The following NXPE2 variants were observed in gnomAD, a reference collection of about 807,000 sequenced individuals.
NXPE2 encodes neurexophilin and PC-esterase domain family member 2.
In NXPE2, 34 loss-of-function variants were observed where a neutral mutation model predicts 34.4. The observed-to-expected ratio is 0.99, with a 90% CI of 0.75 to 1.31. The LOEUF (loss-of-function observed/expected upper bound fraction) is 1.31, where lower values mean the gene tolerates loss of function less well. Ranked by LOEUF, NXPE2 falls within the 40% of genes most tolerant of loss-of-function variation. The pLI is 0.00. For synonymous variants in NXPE2, 235 were observed against 231.3 expected, an observed-to-expected ratio of 1.02 and a Z score of -0.15; for missense variants, 649 against 672.5, an observed-to-expected ratio of 0.97 and a Z score of 0.39.
At chr11:114,616,405 AC>A in the NXPE2 span, among the ~76,000 whole-genome samples, 2 of 151,438 alleles carry the variant, frequency 1.3e-5, no homozygotes, top group African/African-American at 4.9e-5. Context: ...CTCGTGGGTA[AC>A]CGGTGTTACC....
the NXPE2 span, among the ~76,000 whole-genome samples, chr11:114,469,109 C>CTTTTTTTTTTTTTTTTTTTT: frequency 2.3e-5 from 2 of 88,864 alleles, no homozygotes; most frequent in Non-Finnish European, 2.0e-5. Flanking sequence ...ACAGTGCTAG[C>CTTTTTTTTTTTTTTTTTTTT]TTTTTTTTTT....
chr11:114,538,081 A>C, the NXPE2 span, among the ~76,000 whole-genome samples: 1 of 152,200 alleles, frequency 6.6e-6, no homozygotes. Context: ...CAAAACAGAG[A>C]TGTAGACCAA....
the NXPE2 span, among the ~76,000 whole-genome samples, chr11:114,734,834 C>T: frequency 2.5e-4 from 38 of 152,150 alleles, no homozygotes; most frequent in Middle Eastern, 3.2e-3. Context: ...CACGGCAGGG[C>T]GCAGTGGCTC....
the NXPE2 span, among the ~76,000 whole-genome samples, chr11:114,781,703 G>C: frequency 9.5e-4 from 145 of 152,294 alleles, no homozygotes; most frequent in Non-Finnish European, 1.8e-3. Flanking sequence ...ATTCTGGGTA[G>C]TGGAAGTCTG....
chr11:114,535,114 G>A, the NXPE2 span, among the ~76,000 whole-genome samples: 1 of 152,176 alleles, frequency 6.6e-6, no homozygotes, highest in Non-Finnish European at 1.5e-5. Context: ...AGAAGAGAGT[G>A]GGGACCAATA....
chr11:114,643,185 A>T, the NXPE2 span, among the ~76,000 whole-genome samples: 181 of 151,898 alleles, frequency 1.2e-3, 2 homozygotes, highest in South Asian at 9.1e-3. Flanking sequence ...GATTGCAAAA[A>T]TTTTCTCCCA....
At chr11:114,518,514 G>A in the NXPE2 span, 1 of 152,216 alleles carries the variant, frequency 6.6e-6, no homozygotes, top group Non-Finnish European at 1.5e-5. Context: ...TTTTGTGAAT[G>A]GGGTTCTTGT....
At chr11:114,774,049 C>T in the NXPE2 span, among the ~76,000 whole-genome samples, 1 of 152,216 alleles carries the variant, frequency 6.6e-6, no homozygotes, top group Non-Finnish European at 1.5e-5. Context: ...GGTAATGCCT[C>T]TACTGCTCTT....
the NXPE2 span, among the ~76,000 whole-genome samples, chr11:114,650,946 A>G: frequency 3.3e-5 from 5 of 152,170 alleles, no homozygotes; most frequent in Non-Finnish European, 7.3e-5. Context: ...GGCTGAGAGC[A>G]CATCAGGAAG....
At chr11:114,544,357 T>A in the NXPE2 span, among the ~76,000 whole-genome samples, 1 of 152,178 alleles carries the variant, frequency 6.6e-6, no homozygotes, top group African/African-American at 2.4e-5. Flanking sequence ...ATCAAGACAA[T>A]GCAGTGTTGG....
At chr11:114,725,129 T>C in the NXPE2 span, among the ~76,000 whole-genome samples, 2 of 152,066 alleles carry the variant, frequency 1.3e-5, no homozygotes, top group African/African-American at 4.8e-5. Flanking sequence ...AATCATGCAG[T>C]TATAGAACTT....
At chr11:114,604,840 G>A in the NXPE2 span, among the ~76,000 whole-genome samples, 1 of 151,962 alleles carries the variant, frequency 6.6e-6, no homozygotes, top group East Asian at 1.9e-4. Context: ...TTGTTGCATT[G>A]TGGGTATCCA....
the NXPE2 span, among the ~76,000 whole-genome samples, chr11:114,766,585 C>A: frequency 6.6e-6 from 1 of 151,906 alleles, no homozygotes; most frequent in Non-Finnish European, 1.5e-5. Flanking sequence ...TTCCCTCTCC[C>A]TTCTCTGTTC....
chr11:114,802,728 A>G, the NXPE2 span, among the ~76,000 whole-genome samples: 22,207 of 152,034 alleles, frequency 0.15, 1,622 homozygotes, highest in South Asian at 0.18. Flanking sequence ...GTGTCTGTCT[A>G]TATCTCCAAG....
the NXPE2 span, chr11:114,551,013 G>A: frequency 1.5e-6 from 1 of 680,746 alleles, no homozygotes; most frequent in South Asian, 1.7e-5. Flanking sequence ...GGGGAGGAGG[G>A]GCAGGACTAA....
the NXPE2 span, chr11:114,513,493 G>A: frequency 1.5e-5 from 3 of 204,638 alleles, no homozygotes; most frequent in Non-Finnish European, 3.0e-5. Flanking sequence ...CCTATTATGT[G>A]TATGAAGCTG....
At chr11:114,500,132 T>C in the NXPE2 span, among the ~76,000 whole-genome samples, 2 of 152,042 alleles carry the variant, frequency 1.3e-5, no homozygotes, top group Non-Finnish European at 2.9e-5. Flanking sequence ...TGGGGGTGCA[T>C]ATTTAGTGGA....
chr11:114,522,206 G>C, the NXPE2 span: 4 of 1,614,012 alleles, frequency 2.5e-6, no homozygotes, highest in Admixed American at 6.7e-5. Context: ...TTTAGTGGCT[G>C]GGCTTCTTAG....
At chr11:114,674,035 A>T (rs1378045013), upstream of NXPE2, among the ~76,000 whole-genome samples, 1 of 151,774 alleles carries the variant, frequency 6.6e-6, no homozygotes, top group East Asian at 1.9e-4. Flanking sequence ...ATTAGTGGAG[A>T]TTAAAAATTT....
Sources: allele counts gnomAD v4.1 joint callset (sites outside exome capture counted in the v4.1 genomes callset), GRCh38; gene constraint gnomAD v4.1.1; transcripts MANE v1.5; gene names NCBI Gene and HGNC (gene_info 2026-07-23, HGNC 2026-07-21).